The following FGD1 variants were observed in gnomAD, a reference collection of about 807,000 sequenced individuals.
FGD1 encodes the protein FYVE, RhoGEF and PH domain-containing protein 1.
A neutral mutation model predicts 65.0 loss-of-function variants in FGD1; 12 were observed. The ratio of observed to expected loss-of-function variants is 0.18; its 90% CI spans 0.12 to 0.30. The LOEUF is 0.30. FGD1 is among the 10% of genes least tolerant of loss of function. The probability of loss-of-function intolerance (pLI) is 1.00; values close to 1 mark genes in which losing one functional copy is unlikely to be tolerated. For synonymous variants in FGD1, 333 were observed against 343.9 expected, an observed-to-expected ratio of 0.97 and a Z score of 0.35; for missense variants, 542 against 837.6, an observed-to-expected ratio of 0.65 and a Z score of 4.36.
chrX:54,446,138 C>T lies in FGD1; in HGVS notation c.2857G>A (p.Glu953Lys), dbSNP rs781589438. ...AALGATAEPP[E>K]SPQTRDKT ...GTCTTGTCTCGGGTCTGGGGGGATT[C>T]GGGGGGTTCAGCAGTGGCTCCTAAA... Residue 953 changes from glutamate to lysine, a missense_variant, in exon 18 of 18, where the codon GAA (glutamate) becomes AAA (lysine). By Grantham distance (56) the Glu-to-Lys change is moderately conservative (BLOSUM62 1). This residue lies in a region of FGD1 where 182 missense variants were observed against 311.4 expected (regional missense o/e 0.58). Coordinates refer to ENST00000375135, the MANE Select transcript of FGD1 (RefSeq NM_004463.3). The T allele has an allele frequency of 7.4e-6, 9 of 1,210,190 alleles. No individual in the cohort carries two copies. Among genetic ancestry groups the T allele is most frequent in the South Asian group, 5.3e-5 (3 of 56,753 alleles).
chrX:54,465,650 C>T lies in FGD1; in HGVS notation c.1497+46G>A, dbSNP rs374722187. On this transcript the variant is annotated intron_variant, in intron 7 of 17. Transcript: ENST00000375135. ...CTGCAGATGCCCCACCACATCCCTG[C>T]AGACCTCTCCTCCCCAAGTCTGCTC... The T allele has an allele frequency of 5.5e-5, 66 of 1,209,082 alleles. 1 individual carries two copies. Among genetic ancestry groups the T allele is most frequent in the Non-Finnish European group, 6.9e-5 (62 of 894,815 alleles).
chrX:54,493,885 C>T lies in FGD1; in HGVS notation c.307+1241G>A, dbSNP rs1164851983. On this transcript the variant is annotated intron_variant, in intron 1 of 17. Coordinates refer to ENST00000375135, the MANE Select transcript of FGD1 (RefSeq NM_004463.3). Reference sequence around the variant, plus strand: ...TTCACTACTGCTACCTGGTGCAAGGCCACGGTCCCAGAGATCTGTGGAGCC... The same window carrying T: ...TTCACTACTGCTACCTGGTGCAAGGTCACGGTCCCAGAGATCTGTGGAGCC... Among the ~76,000 whole-genome samples, 48 of 112,530 alleles carry T rather than the reference C, an allele frequency of 4.3e-4. 1 individual carries two copies. In the Admixed American group the frequency reaches 4.5e-3, roughly 11 times the overall value.
At chrX:54,450,905 C>T (rs1418344992) in intron 12 of FGD1, among the ~76,000 whole-genome samples, 2 of 109,980 alleles carry the variant, frequency 1.8e-5, no homozygotes, top group African/African-American at 3.3e-5. Flanking sequence ...AAAAATTAGC[C>T]GGGCGTGATG....
chrX:54,490,967 C>G (rs1345735146), intron 1 of FGD1, among the ~76,000 whole-genome samples: 1 of 111,489 alleles, frequency 9.0e-6, no homozygotes, highest in East Asian at 2.8e-4. Flanking sequence ...TGCTTCCACT[C>G]TTGCACCCCT....
rs1922798133 is a variant in FGD1, at chrX:54,467,722, G to GGGTCT, written c.1340+57_1340+61dup. 1.0e-5 allele frequency: 11 copies of GGGTCT among 1,097,741 alleles called. No homozygotes were observed. The South Asian group carries it at 2.2e-4, about 22-fold the overall frequency. 90.5% of individuals were successfully genotyped at this position (1,097,741 alleles called of 1,213,427 possible). On this transcript the variant is annotated intron_variant, in intron 6 of 17. Transcript: ENST00000375135. ...GAAATGAAGTCTTGTGTACACCTCT[G>GGGTCT]GGTCTGGGCTCGGCAGGCAGGTGGA...
chrX:54,463,303 G>A (rs1341798621), intron 8 of FGD1, among the ~76,000 whole-genome samples: 2 of 111,480 alleles, frequency 1.8e-5, no homozygotes, highest in Non-Finnish European at 3.8e-5. Flanking sequence ...GATCATCTCA[G>A]GAACCATCAC....
chrX:54,490,663 C>T (rs6521768), intron 1 of FGD1, among the ~76,000 whole-genome samples: 12,192 of 110,772 alleles, frequency 0.11, 1,485 homozygotes, highest in African/African-American at 0.36. Flanking sequence ...CCAGGCGTTT[C>T]GAATTCAACT....
intron 2 of FGD1, 111 bp downstream of exon 2, chrX:54,471,203 T>A: frequency 1.2e-6 from 1 of 860,407 alleles, no homozygotes; most frequent in South Asian, 2.1e-5. Flanking sequence ...CCTGGGAGCA[T>A]GGTGGCTCCC....
rs1410567816 is a variant in FGD1 at position 54,455,504 on chromosome X, A to G, written c.1959T>C (p.Asn653=). 1 of 1,209,699 alleles carries G rather than the reference A, an allele frequency of 8.3e-7. No homozygotes were observed. Among genetic ancestry groups the G allele is most frequent in the Non-Finnish European group, 1.1e-6 (1 of 894,503 alleles). The change falls in exon 12 of 18, where the codon AAT becomes AAC. Residue 653 remains asparagine, a synonymous_variant. Coordinates refer to ENST00000375135, the MANE Select transcript of FGD1 (RefSeq NM_004463.3). ...GMELKESSNL[N]LPRTFLVSGK... ...CTGACACCAGGAAGGTTCGAGGCAG[A>G]TTGAGGTTGGAGCTCTCCTTTAGCT...
At chrX:54,457,062 G>C (rs1181085625) in intron 8 of FGD1, among the ~76,000 whole-genome samples, 3 of 111,361 alleles carry the variant, frequency 2.7e-5, no homozygotes, top group Non-Finnish European at 5.6e-5. Context: ...CACAATGCCA[G>C]AATCACAATA....
intron 1 of FGD1, among the ~76,000 whole-genome samples, chrX:54,476,452 AG>A (rs1923022008): frequency 1.8e-5 from 2 of 109,536 alleles, no homozygotes; most frequent in Non-Finnish European, 3.8e-5. Context: ...CCTGGGCTCA[AG>A]TGATCCTCCC....
intron 9 of FGD1, 68 bp from the exon 10 acceptor site, chrX:54,456,434 C>T (rs778993279): frequency 7.5e-6 from 9 of 1,205,319 alleles, no homozygotes; most frequent in Admixed American, 6.6e-5. Context: ...CCACAAGTCA[C>T]GACACCCCCA....
intron 12 of FGD1, among the ~76,000 whole-genome samples, chrX:54,452,603 G>A (rs963976544): frequency 5.4e-5 from 6 of 110,411 alleles, no homozygotes; most frequent in Non-Finnish European, 1.1e-4. Context: ...AAAATTAGCC[G>A]GGCGCGGTGG....
Position 54,483,401 on chromosome X carries a change from C to T in FGD1, c.307+11725G>A, listed in dbSNP as rs773823867. 2.8e-3 allele frequency among the ~76,000 whole-genome samples: 319 copies of T among 112,433 alleles called. 1 individual carries two copies. The highest frequency in any genetic ancestry group is 9.5e-3 in the African/African-American group (295 of 31,063). On this transcript the variant is annotated intron_variant, in intron 1 of 17. Transcript: ENST00000375135. Reference sequence around the variant, plus strand: ...GCAAAGGCGGTGGTGTGGGCGGTGGCGGCCCAGGCCTAGCAGGCCCTGGCG... The same window carrying T: ...GCAAAGGCGGTGGTGTGGGCGGTGGTGGCCCAGGCCTAGCAGGCCCTGGCG...
intron 1 of FGD1, among the ~76,000 whole-genome samples, chrX:54,489,121 G>A (rs1215172441): frequency 8.9e-6 from 1 of 112,114 alleles, no homozygotes; most frequent in East Asian, 2.8e-4. Flanking sequence ...CTACAGAATG[G>A]GAGAAAATAT....
At chrX:54,489,585 A>G (rs1305459229) in intron 1 of FGD1, among the ~76,000 whole-genome samples, 1 of 111,889 alleles carries the variant, frequency 8.9e-6, no homozygotes, top group African/African-American at 3.3e-5. Flanking sequence ...AAAAAAAGAA[A>G]AAATGCTCAA....
chrX:54,489,253 A>T (rs953436764), intron 1 of FGD1, among the ~76,000 whole-genome samples: 1 of 112,820 alleles, frequency 8.9e-6, no homozygotes, highest in Non-Finnish European at 1.9e-5. Flanking sequence ...TTTTCAAAAG[A>T]AGACATACAT....
At chrX:54,490,103 G>A (rs1923381227) in intron 1 of FGD1, among the ~76,000 whole-genome samples, 1 of 112,026 alleles carries the variant, frequency 8.9e-6, no homozygotes, top group Non-Finnish European at 1.9e-5. Flanking sequence ...AATACTGCAT[G>A]TTCTCACTTA....
chrX:54,455,496 C>A lies in FGD1; in HGVS notation c.1967G>T (p.Arg656Leu), dbSNP rs747061359. 2.5e-6 allele frequency: 3 copies of A among 1,211,168 alleles called. No homozygotes were observed. The East Asian group carries it at 8.9e-5, about 36-fold the overall frequency. The change falls in exon 12 of 18, where the codon CGA (arginine) becomes CTA (leucine). Residue 656 changes from arginine to leucine, a missense_variant. This residue lies in a region of FGD1 where 182 missense variants were observed against 311.4 expected (regional missense o/e 0.58). Coordinates refer to ENST00000375135, the MANE Select transcript of FGD1 (RefSeq NM_004463.3). The part of the protein sequence containing the change: ...LKESSNLNLP[R>L]TFLVSGKQRS... The stretch of plus-strand genomic sequence containing the variant: ...CTGCTTTCCTGACACCAGGAAGGTT[C>A]GAGGCAGATTGAGGTTGGAGCTCTC...
Sources: allele counts gnomAD v4.1 joint callset (sites outside exome capture counted in the v4.1 genomes callset), GRCh38; gene constraint gnomAD v4.1.1; regional missense constraint gnomAD v4.1.1; transcripts MANE v1.5; gene names NCBI Gene and HGNC (gene_info 2026-07-23, HGNC 2026-07-21).